ZNF814: variants seen among roughly 807,000 people sequenced by gnomAD.
ZNF814 encodes the protein zinc finger protein 814.
A neutral mutation model predicts 7.5 loss-of-function variants in ZNF814; 5 were observed. That is an observed-to-expected ratio of 0.67 (90% CI 0.35 to 1.40). ZNF814 has a LOEUF of 1.40. Among genes scored for constraint, ZNF814 ranks in the 40% most tolerant of loss-of-function variants. ZNF814 has a pLI of 0.04. For missense variants in ZNF814, 962 were observed against 1,018.0 expected, an observed-to-expected ratio of 0.94 and a Z score of 0.75; for synonymous variants, 315 against 340.7, an observed-to-expected ratio of 0.92 and a Z score of 0.83.
chr19:57,875,412 A>G (rs1037053914), intron 2 of ZNF814, among the ~76,000 whole-genome samples, 186 bp from the exon 3 acceptor site: 23 of 152,190 alleles, frequency 1.5e-4, no homozygotes, highest in African/African-American at 3.4e-4. Flanking sequence ...AGAATGTAGG[A>G]GGCCTCATAA....
the ZNF814 span, among the ~76,000 whole-genome samples, chr19:57,897,759 T>C: frequency 6.6e-6 from 1 of 152,176 alleles, no homozygotes; most frequent in African/African-American, 2.4e-5. Flanking sequence ...GTTGGTCTAT[T>C]GCTTGGAGGG....
chr19:57,888,629 G>T, intron 1 of ZNF814, 138 bp downstream of exon 1: 1 of 1,132,220 alleles, frequency 8.8e-7, no homozygotes, highest in Non-Finnish European at 1.3e-6. Flanking sequence ...ACGGGTGTCA[G>T]AAATGGGGCC....
At chr19:57,877,267 T>C (rs1419962734) in intron 1 of ZNF814, among the ~76,000 whole-genome samples, 1 of 152,066 alleles carries the variant, frequency 6.6e-6, no homozygotes, top group African/African-American at 2.4e-5. Flanking sequence ...ACAGGCACTT[T>C]CCCTAGTATG....
rs1184757870 is a variant in ZNF814, at chr19:57,884,449, CA to C, written c.36+4317del. 3.3e-5 allele frequency among the ~76,000 whole-genome samples: 5 copies of C among 152,074 alleles called. No homozygotes were observed. The South Asian group carries it at 1.0e-3, about 32-fold the overall frequency. On this transcript the variant is annotated intron_variant, in intron 1 of 2. Transcript: ENST00000435989. ...TTAACCAGTGAGACCCCCATCTCTA[CA>C]AAAAAGTTTAAAAGCTAGCCAAGGC...
intron 1 of ZNF814, among the ~76,000 whole-genome samples, chr19:57,877,615 G>T (rs1238222385): frequency 5.9e-5 from 9 of 151,916 alleles, no homozygotes; most frequent in African/African-American, 1.9e-4. Context: ...GCTAATTTTT[G>T]TATTTTTAGT....
rs765152146 is a variant in ZNF814 at position 57,874,133 on chromosome 19, T to C, written c.1257A>G (p.Gln419=). ...ECGECGKSFS[Q]KSSLIQHQRF... ...GCTGATGTTGAATGAGGCTGCTCTTTTGACTAAAGGATTTCCCACATTCTC... is the reference window on the plus strand; with the variant it reads ...GCTGATGTTGAATGAGGCTGCTCTTCTGACTAAAGGATTTCCCACATTCTC... Residue 419 remains glutamine, a synonymous_variant, in exon 3 of 3, where the codon CAA becomes CAG. Coordinates refer to ENST00000435989, the MANE Select transcript of ZNF814 (RefSeq NM_001144989.2). 2.5e-6 allele frequency: 4 copies of C among 1,597,456 alleles called. No individual in the cohort carries two copies. In the South Asian group the frequency reaches 3.4e-5, roughly 13 times the overall value.
At position 57,874,888 on chromosome 19, in the gene ZNF814, C is replaced by T; in HGVS notation, c.502G>A (p.Glu168Lys). The T allele has an allele frequency of 6.2e-7, 1 of 1,614,050 alleles. No individual in the cohort carries two copies. The highest frequency in any genetic ancestry group is 1.1e-5 in the South Asian group (1 of 91,078). ...AKRCKLHVSG[E>K]SSVFSESGKD... ...CCACTCTCACTGAAGACAGATGACTCCCCTGACACATGCAACTTACACCTC... is the reference window on the plus strand; with the variant it reads ...CCACTCTCACTGAAGACAGATGACTTCCCTGACACATGCAACTTACACCTC... The change falls in exon 3 of 3, where the codon GAG becomes AAG. Residue 168 changes from glutamate to lysine, a missense_variant. By Grantham distance (56) the Glu-to-Lys change is moderately conservative. Around this residue, in one of 7 missense-constraint regions of ZNF814, gnomAD observed 126 missense variants for 123.5 expected, o/e 1.02. Transcript: ENST00000435989.
chr19:57,883,961 T>C (rs1392195908), intron 1 of ZNF814, among the ~76,000 whole-genome samples: 1 of 152,154 alleles, frequency 6.6e-6, no homozygotes, highest in African/African-American at 2.4e-5. Context: ...TTCCCCATGT[T>C]GCCCAGGCTG....
At chr19:57,895,816 A>C in the ZNF814 span, among the ~76,000 whole-genome samples, 1 of 152,116 alleles carries the variant, frequency 6.6e-6, no homozygotes, top group African/African-American at 2.4e-5. Flanking sequence ...TCAGACCCCA[A>C]GAGAGGGTTC....
chr19:57,871,351 T>C lies in ZNF814; in HGVS notation c.*1471A>G, dbSNP rs937628471. ...GCCCTGAAGGTCTTCTCTGGAGGCC[T>C]CTGGCAGCTATGCAAAGCAGTCCAC... On this transcript the variant is annotated 3_prime_UTR_variant, in exon 3 of 3. Coordinates refer to ENST00000435989, the MANE Select transcript of ZNF814 (RefSeq NM_001144989.2). 2 of 152,228 alleles carry C rather than the reference T, an allele frequency of 1.3e-5. No individual in the cohort carries two copies. The highest frequency in any genetic ancestry group is 4.8e-5 in the African/African-American group (2 of 41,454). 9.4% of individuals were successfully genotyped at this position (152,228 alleles called of 1,614,324 possible).
At chr19:57,884,128 C>G (rs532582417) in intron 1 of ZNF814, among the ~76,000 whole-genome samples, 19 of 152,184 alleles carry the variant, frequency 1.2e-4, no homozygotes, top group Non-Finnish European at 2.4e-4. Flanking sequence ...GGCATCAGAT[C>G]AAGTTAAAAA....
chr19:57,902,534 T>C, the ZNF814 span, among the ~76,000 whole-genome samples: 2 of 151,922 alleles, frequency 1.3e-5, no homozygotes, highest in African/African-American at 4.8e-5. Context: ...TTTGGGAGGG[T>C]AAATATAATA....
At chr19:57,902,822 G>A in the ZNF814 span, among the ~76,000 whole-genome samples, 3 of 151,740 alleles carry the variant, frequency 2.0e-5, no homozygotes, top group South Asian at 2.1e-4. Flanking sequence ...CACCATGCCC[G>A]GCTAATTTTT....
At chr19:57,875,788 G>A (rs536765880) in intron 2 of ZNF814, among the ~76,000 whole-genome samples, 30 of 152,048 alleles carry the variant, frequency 2.0e-4, no homozygotes, top group African/African-American at 6.8e-4. Flanking sequence ...GAGTAGAAGC[G>A]ATAAGGTAGA....
At chr19:57,892,758 C>A (rs368793348), upstream of ZNF814, among the ~76,000 whole-genome samples, 29 of 152,352 alleles carry the variant, frequency 1.9e-4, 1 homozygote, top group Admixed American at 1.3e-3. Context: ...GGGGGGGCTT[C>A]TCTGGCCTCT....
Position 57,873,256 on chromosome 19 carries a change from C to A in ZNF814, c.2134G>T (p.Gly712Ter). 6.2e-7 allele frequency: 1 copy of A among 1,602,938 alleles called. No homozygotes were observed. The highest frequency in any genetic ancestry group is 8.5e-7 in the Non-Finnish European group (1 of 1,174,426). The change falls in exon 3 of 3, where the codon GGA becomes TGA. Residue 712 changes from glycine (G) to a stop codon, truncating the protein, a stop_gained. Transcript: ENST00000435989. LOFTEE classifies it low-confidence loss of function (END_TRUNC). ...GCTTCACAAGCATATGGCTTTTCTC[C>A]ATTGTGAATTCTCTGGTGTACAAGG... Reference protein sequence around the residue: ...HLLVHQRIHNGEKPYACEACQ... With the variant: ...HLLVHQRIHN
At chr19:57,899,236 T>C in the ZNF814 span, among the ~76,000 whole-genome samples, 1 of 152,362 alleles carries the variant, frequency 6.6e-6, no homozygotes, top group African/African-American at 2.4e-5. Context: ...GTCAAACTTA[T>C]GTTGGAAAAG....
chr19:57,904,770 GC>G, the ZNF814 span, among the ~76,000 whole-genome samples: 5 of 152,218 alleles, frequency 3.3e-5, no homozygotes, highest in African/African-American at 1.2e-4. Flanking sequence ...CCCAGGCATC[GC>G]CGGGAGTGGT....
At chr19:57,901,948 T>C in the ZNF814 span, among the ~76,000 whole-genome samples, 5 of 152,170 alleles carry the variant, frequency 3.3e-5, no homozygotes, top group Non-Finnish European at 7.3e-5. Flanking sequence ...AGAGTGCCGA[T>C]GCATCCTAAT....
Sources: allele counts gnomAD v4.1 joint callset (sites outside exome capture counted in the v4.1 genomes callset), GRCh38; gene constraint gnomAD v4.1.1; regional missense constraint gnomAD v4.1.1; transcripts MANE v1.5; gene names NCBI Gene and HGNC (gene_info 2026-07-23, HGNC 2026-07-21).